The following RIMS2 variants were observed in gnomAD, a reference collection of about 807,000 sequenced individuals.
The protein encoded by RIMS2 is regulating synaptic membrane exocytosis 2.
A neutral mutation model predicts 174.4 loss-of-function variants in RIMS2; 59 were observed. That is an observed-to-expected ratio of 0.34 (90% CI 0.27 to 0.42). The LOEUF (loss-of-function observed/expected upper bound fraction) is 0.42. Among genes scored for constraint, RIMS2 ranks in the 10% least tolerant of loss-of-function variants. The pLI is 1.00. For missense variants in RIMS2, 1,620 were observed against 1,666.3 expected (o/e 0.97, Z 0.48); for synonymous variants, 606 against 572.5 (o/e 1.06, Z -0.84).
chr8:103,728,745 C>CTTTTTTTTTTTT (rs1311572866), intron 2 of RIMS2, among the ~76,000 whole-genome samples: 17 of 68,144 alleles, frequency 2.5e-4, no homozygotes, highest in African/African-American at 1.2e-3. Context: ...AGGTATGCTC[C>CTTTTTTTTTTTT]TTCTTTTTTT....
chr8:103,910,409 G>A, intron 5 of RIMS2: 1 of 1,596,776 alleles, frequency 6.3e-7, no homozygotes, highest in Non-Finnish European at 8.5e-7. Context: ...AGGAAATGAT[G>A]TACTTTGGTG....
chr8:104,227,078 C>T (rs2099192358), intron 19 of RIMS2, among the ~76,000 whole-genome samples: 1 of 152,116 alleles, frequency 6.6e-6, no homozygotes, highest in African/African-American at 2.4e-5. Flanking sequence ...CTCAGAGAAG[C>T]TAAACAACTT....
intron 3 of RIMS2, among the ~76,000 whole-genome samples, chr8:103,869,394 A>G (rs1181438962): frequency 6.7e-6 from 1 of 149,492 alleles, no homozygotes; most frequent in Non-Finnish European, 1.5e-5. Flanking sequence ...ACGGGGTTTC[A>G]CCATGTTGGT....
chr8:103,665,234 C>A (rs996469479), intron 1 of RIMS2, among the ~76,000 whole-genome samples: 4 of 152,186 alleles, frequency 2.6e-5, no homozygotes, highest in Non-Finnish European at 5.9e-5. Context: ...GTGTAACAAA[C>A]CTGCACGTTG....
At chr8:103,726,885 C>G (rs537336923) in intron 2 of RIMS2, among the ~76,000 whole-genome samples, 10 of 150,808 alleles carry the variant, frequency 6.6e-5, no homozygotes, top group Non-Finnish European at 1.0e-4. Flanking sequence ...ATTATAGGCA[C>G]GTGCCATCAT....
chr8:103,758,767 G>A lies in RIMS2; in HGVS notation c.388-7460G>A, dbSNP rs147276781. Among the ~76,000 whole-genome samples, 539 of 152,258 alleles carry A rather than the reference G, an allele frequency of 3.5e-3. 3 individuals carry two copies. Among genetic ancestry groups the A allele is most frequent in the African/African-American group, 0.012 (512 of 41,552 alleles). On this transcript the variant is annotated intron_variant, in intron 2 of 23. Coordinates refer to ENST00000504942, the Ensembl canonical transcript of RIMS2. ...CATGTCTGCTTTTAGCAGAAGAAAG[G>A]TTAAAAGTTTAGATTTATATCATGG...
At chr8:104,059,884 G>A (rs1162626894) in intron 19 of RIMS2, among the ~76,000 whole-genome samples, 40 of 152,048 alleles carry the variant, frequency 2.6e-4, no homozygotes, top group South Asian at 4.2e-4. Flanking sequence ...ATTGATTTGC[G>A]TATATTGAAC....
chr8:104,017,395 T>C (rs1167552408), intron 19 of RIMS2, among the ~76,000 whole-genome samples: 2 of 152,012 alleles, frequency 1.3e-5, no homozygotes, highest in Non-Finnish European at 2.9e-5. Flanking sequence ...TGATTTTGAT[T>C]ATTTTATATT....
intron 1 of RIMS2, among the ~76,000 whole-genome samples, chr8:103,534,222 A>G (rs1838748025): frequency 6.6e-6 from 1 of 152,374 alleles, no homozygotes. Flanking sequence ...TGTTTATCAC[A>G]AATAATTTCA....
chr8:104,142,196 G>A (rs888518154), intron 19 of RIMS2, among the ~76,000 whole-genome samples: 2 of 146,576 alleles, frequency 1.4e-5, no homozygotes, highest in African/African-American at 2.5e-5. Flanking sequence ...GCGTGATCTC[G>A]GCTCAACCAC....
At chr8:103,726,613 T>G (rs1421264525) in intron 2 of RIMS2, among the ~76,000 whole-genome samples, 1 of 151,186 alleles carries the variant, frequency 6.6e-6, no homozygotes, top group Non-Finnish European at 1.5e-5. Context: ...AATTGTCATC[T>G]TTATGATATT....
chr8:103,920,877 T>C (rs1039075378), intron 9 of RIMS2: 5 of 339,406 alleles, frequency 1.5e-5, no homozygotes, highest in African/African-American at 1.1e-4. Flanking sequence ...CAGGCGCCTG[T>C]AGTCCCAGCT....
intron 3 of RIMS2, among the ~76,000 whole-genome samples, chr8:103,836,679 A>G (rs934874532): frequency 1.1e-4 from 16 of 152,228 alleles, no homozygotes; most frequent in Non-Finnish European, 1.6e-4. Flanking sequence ...TTGGAACAAA[A>G]CATGATGAAC....
rs759072344 is a variant in RIMS2, at chr8:103,876,121, A to G, written c.699-9177A>G. Among the ~76,000 whole-genome samples the G allele has an allele frequency of 8.6e-5, 13 of 151,792 alleles. No individual in the cohort carries two copies. In the South Asian group the frequency reaches 1.0e-3, roughly 12 times the overall value. On this transcript the variant is annotated intron_variant, in intron 3 of 23. Transcript: ENST00000504942. The stretch of plus-strand genomic sequence containing the variant: ...AAGCTTTTTAGTTTAATTAAGTCTT[A>G]TTTATTTTTGCTTCTGTTGCCTTTG...
chr8:103,864,007 C>T (rs1230558067), intron 3 of RIMS2, among the ~76,000 whole-genome samples: 1 of 151,432 alleles, frequency 6.6e-6, no homozygotes, highest in Non-Finnish European at 1.5e-5. Flanking sequence ...CTCCTGGGTT[C>T]AGGCCATTCT....
At chr8:104,093,717 A>G (rs2097703222) in intron 19 of RIMS2, 74 bp downstream of exon 24, 2 of 1,172,092 alleles carry the variant, frequency 1.7e-6, no homozygotes, top group Admixed American at 2.5e-5. Flanking sequence ...TGAACATAAA[A>G]TTATTTATTT....
At chr8:104,010,950 T>G (rs2154553543) in intron 17 of RIMS2, among the ~76,000 whole-genome samples, 1 of 152,292 alleles carries the variant, frequency 6.6e-6, no homozygotes, top group African/African-American at 2.4e-5. Context: ...CTAAAATATT[T>G]TAAGCCTTGC....
intron 3 of RIMS2, among the ~76,000 whole-genome samples, chr8:103,793,994 A>G (rs1022932156): frequency 6.6e-6 from 1 of 152,228 alleles, no homozygotes; most frequent in African/African-American, 2.4e-5. Flanking sequence ...TATCGTGAAA[A>G]TGGCCATACT....
At chr8:103,809,370 A>G (rs1205219563) in intron 3 of RIMS2, among the ~76,000 whole-genome samples, 1 of 151,992 alleles carries the variant, frequency 6.6e-6, no homozygotes, top group Non-Finnish European at 1.5e-5. Flanking sequence ...TGAATTCTCA[A>G]TAACACATAT....
Sources: allele counts gnomAD v4.1 joint callset (sites outside exome capture counted in the v4.1 genomes callset), GRCh38; gene constraint gnomAD v4.1.1; transcripts MANE v1.5; gene names NCBI Gene and HGNC (gene_info 2026-07-23, HGNC 2026-07-21).